DLG2: variants seen among roughly 807,000 people sequenced by gnomAD.
The protein encoded by DLG2 is disks large homolog 2.
In DLG2, 45 loss-of-function variants were observed where a neutral mutation model predicts 132.5. The observed-to-expected ratio is 0.34, with a 90% CI of 0.27 to 0.44. DLG2 has a LOEUF of 0.44. Among genes scored for constraint, DLG2 ranks in the 20% least tolerant of loss-of-function variants. The pLI is 1.00. For synonymous variants in DLG2, 424 were observed against 419.6 expected (o/e 1.01, Z -0.13); for missense variants, 1,045 against 1,196.9 (o/e 0.87, Z 1.87).
chr11:84,342,435 T>C (rs186526309), intron 7 of DLG2, among the ~76,000 whole-genome samples: 58 of 152,316 alleles, frequency 3.8e-4, no homozygotes, highest in African/African-American at 1.3e-3. Context: ...TGACAGAATA[T>C]GGGTGTTATA....
At chr11:84,463,061 G>T (rs1159549529) in intron 7 of DLG2, among the ~76,000 whole-genome samples, 3 of 151,158 alleles carry the variant, frequency 2.0e-5, no homozygotes, top group South Asian at 4.1e-4. Context: ...GAGCAGAAAA[G>T]AAATCTCTGA....
At chr11:84,505,012 A>T (rs2099234737) in intron 7 of DLG2, among the ~76,000 whole-genome samples, 1 of 152,128 alleles carries the variant, frequency 6.6e-6, no homozygotes. Flanking sequence ...TTTTACGTCA[A>T]ATTAGTTCAA....
intron 11 of DLG2, among the ~76,000 whole-genome samples, chr11:84,016,711 T>C (rs781528734): frequency 2.3e-4 from 35 of 151,918 alleles, no homozygotes; most frequent in Non-Finnish European, 1.0e-4. Context: ...TGTTAACCTT[T>C]TCTAGATTGC....
intron 6 of DLG2, among the ~76,000 whole-genome samples, chr11:84,691,089 A>G (rs2057979603): frequency 6.6e-6 from 1 of 151,838 alleles, no homozygotes. Context: ...CAAGTGTATA[A>G]ATTTTAGTCA....
rs147341056 is a variant in DLG2 at position 84,861,311 on chromosome 11, C to T, written c.357+250350G>A. Among the ~76,000 whole-genome samples, 10 of 152,098 alleles carry T rather than the reference C, an allele frequency of 6.6e-5. No individual in the cohort carries two copies. In the East Asian group the frequency reaches 1.7e-3, roughly 27 times the overall value. On this transcript the variant is annotated intron_variant, in intron 6 of 27. Transcript: ENST00000376104. ...GCCTGAGAGAAGTTTGTAGAAACAG[C>T]AGTAGGTTTATAGTTGCTAGACTGG...
chr11:84,488,876 A>C (rs968738779), intron 7 of DLG2, among the ~76,000 whole-genome samples: 2 of 152,188 alleles, frequency 1.3e-5, no homozygotes, highest in African/African-American at 4.8e-5. Context: ...AATTGATCCA[A>C]TAAACTAAAT....
intron 7 of DLG2, among the ~76,000 whole-genome samples, chr11:84,484,642 A>G (rs964506861): frequency 9.9e-5 from 15 of 152,168 alleles, no homozygotes; most frequent in South Asian, 2.1e-4. Flanking sequence ...AAGCTTTACT[A>G]TTATGAAGCA....
intron 6 of DLG2, among the ~76,000 whole-genome samples, chr11:85,095,941 G>C (rs565603359): frequency 6.6e-6 from 1 of 152,242 alleles, no homozygotes; most frequent in African/African-American, 2.4e-5. Context: ...TGAGCTTCTG[G>C]GTCAGGTGGG....
chr11:83,729,219 T>C (rs1057080429), intron 18 of DLG2, among the ~76,000 whole-genome samples: 5 of 152,204 alleles, frequency 3.3e-5, no homozygotes, highest in African/African-American at 1.2e-4. Context: ...GATAATATTG[T>C]AAGTTATTCT....
chr11:83,547,573 A>T (rs1352103945), intron 19 of DLG2, among the ~76,000 whole-genome samples: 10 of 152,210 alleles, frequency 6.6e-5, no homozygotes, highest in African/African-American at 1.9e-4. Flanking sequence ...ACAAACTGGG[A>T]ATGGTTATTA....
chr11:84,480,927 C>T lies in DLG2; in HGVS notation c.519+53643G>A, dbSNP rs143156055. On this transcript the variant is annotated intron_variant, in intron 7 of 27. Transcript: ENST00000376104. ...TTGATTTTTGTATTTTTAGTAGAGA[C>T]GGGATTTCACGATGTTGGCCAGGCT... Among the ~76,000 whole-genome samples the T allele has an allele frequency of 1.2e-3, 184 of 151,774 alleles. 3 individuals are homozygous for T. Among genetic ancestry groups the T allele is most frequent in the Middle Eastern group, 6.8e-3 (2 of 294 alleles).
At chr11:84,641,436 G>A (rs906053026) in intron 6 of DLG2, among the ~76,000 whole-genome samples, 5 of 152,052 alleles carry the variant, frequency 3.3e-5, no homozygotes, top group African/African-American at 7.2e-5. Flanking sequence ...TTTGATTTCC[G>A]GAGATGGGCT....
chr11:84,898,384 G>T (rs1045783261), intron 6 of DLG2, among the ~76,000 whole-genome samples: 1 of 151,282 alleles, frequency 6.6e-6, no homozygotes, highest in Non-Finnish European at 1.5e-5. Flanking sequence ...TGCTTTTTTC[G>T]TTAGCTACCA....
At chr11:84,781,314 C>T (rs1424447957) in intron 6 of DLG2, among the ~76,000 whole-genome samples, 2 of 151,922 alleles carry the variant, frequency 1.3e-5, no homozygotes, top group Admixed American at 6.6e-5. Context: ...ACATACCAAA[C>T]ATATATTTTC....
chr11:83,862,003 A>T (rs2061537482), intron 16 of DLG2, among the ~76,000 whole-genome samples: 1 of 152,134 alleles, frequency 6.6e-6, no homozygotes, highest in African/African-American at 2.4e-5. Context: ...ATATACACTT[A>T]TTTTGTTCCC....
intron 6 of DLG2, among the ~76,000 whole-genome samples, chr11:84,896,982 C>T (rs927540231): frequency 1.3e-5 from 2 of 151,542 alleles, no homozygotes; most frequent in Admixed American, 6.6e-5. Context: ...CAATTTTTTT[C>T]ATTATAAAAT....
intron 6 of DLG2, chr11:85,021,548 T>C (rs1592808972): frequency 3.1e-6 from 5 of 1,588,846 alleles, no homozygotes; most frequent in Non-Finnish European, 4.3e-6. Flanking sequence ...TTCGAAAAGA[T>C]TGCCTCCACA....
chr11:83,667,992 A>AAAAG (rs1555311460), intron 18 of DLG2, among the ~76,000 whole-genome samples: 1 of 146,858 alleles, frequency 6.8e-6, no homozygotes, highest in Non-Finnish European at 1.5e-5. Context: ...AAAAAAAAAA[A>AAAAG]AAAAAGAAAT....
chr11:84,967,390 A>C (rs1405789064), intron 6 of DLG2, among the ~76,000 whole-genome samples: 1 of 152,136 alleles, frequency 6.6e-6, no homozygotes, highest in East Asian at 1.9e-4. Flanking sequence ...CCCTGATAGA[A>C]GAGACTACAA....
Sources: gnomAD v4.1 joint callset for allele counts (sites outside exome capture counted in the v4.1 genomes callset) on GRCh38, gnomAD v4.1.1 for gene constraint, MANE v1.5 for transcripts, NCBI Gene and HGNC (gene_info 2026-07-23, HGNC 2026-07-21) for gene names.